MOSMO: variants seen among roughly 807,000 people sequenced by gnomAD.
MOSMO encodes the protein modulator of smoothened protein.
In MOSMO, 5 loss-of-function variants were observed where a neutral mutation model predicts 18.4. The ratio of observed to expected loss-of-function variants is 0.27; its 90% CI spans 0.14 to 0.57. The LOEUF is 0.57. Among genes scored for constraint, MOSMO ranks in the 20% least tolerant of loss-of-function variants. The pLI, the probability that MOSMO is intolerant of heterozygous loss-of-function variation, is 0.92. For missense variants in MOSMO, 138 were observed against 211.8 expected (o/e 0.65, Z 2.16); for synonymous variants, 82 against 82.3 (o/e 1.00, Z 0.02).
At chr16:22,037,656 C>G (rs1043445936) in intron 1 of MOSMO, among the ~76,000 whole-genome samples, 1 of 152,226 alleles carries the variant, frequency 6.6e-6, no homozygotes, top group African/African-American at 2.4e-5. Flanking sequence ...ATCACCTCCT[C>G]CTCAGTTTCA....
In MOSMO at chr16:22,046,548, T is replaced by C. The variant is rs1398093359; in HGVS notation, c.107-28939T>C. ...ATTGTGCCAGAAGCACTGTAACTCA[T>C]GCCTGAACGAAGTTTCCCTAACACA... On this transcript the variant is annotated intron_variant, in intron 1 of 2. Transcript: ENST00000542527. Among the ~76,000 whole-genome samples, 4 of 152,194 alleles carry C rather than the reference T, an allele frequency of 2.6e-5. No individual in the cohort carries two copies. In the East Asian group the frequency reaches 7.7e-4, roughly 29 times the overall value.
intron 1 of MOSMO, among the ~76,000 whole-genome samples, chr16:22,063,537 T>C (rs1480160918): frequency 6.6e-6 from 1 of 152,190 alleles, no homozygotes; most frequent in African/African-American, 2.4e-5. Flanking sequence ...CAAGTTTCCT[T>C]GGAGATAGGA....
At chr16:22,043,485 G>A (rs34194568) in intron 1 of MOSMO, among the ~76,000 whole-genome samples, 11,699 of 152,120 alleles carry the variant, frequency 0.077, 642 homozygotes, top group South Asian at 0.25. Context: ...TATTTTATCA[G>A]TGAATATTTA....
chr16:22,087,353 T>C (rs1238498608), downstream of MOSMO: 1 of 152,192 alleles, frequency 6.6e-6, no homozygotes, highest in African/African-American at 2.4e-5. Flanking sequence ...TACAGCACTT[T>C]AGTAAATATG....
chr16:22,029,404 A>G (rs1899948968), intron 1 of MOSMO, among the ~76,000 whole-genome samples: 1 of 152,134 alleles, frequency 6.6e-6, no homozygotes, highest in Admixed American at 6.5e-5. Context: ...CATGTATGTC[A>G]TTGTAGATCT....
intron 1 of MOSMO, among the ~76,000 whole-genome samples, chr16:22,057,403 G>T (rs1399344514): frequency 6.6e-6 from 1 of 152,186 alleles, no homozygotes; most frequent in Non-Finnish European, 1.5e-5. Flanking sequence ...GCATGAATCT[G>T]CTTATAAGAG....
Position 22,083,606 on chromosome 16 carries a change from A to G in MOSMO, c.*2726A>G, listed in dbSNP as rs1279512379. The G allele has an allele frequency of 2.2e-6, 1 of 447,838 alleles. No homozygotes were observed. The highest frequency in any genetic ancestry group is 4.4e-6 in the Non-Finnish European group (1 of 225,114). The allele number at this position is 447,838 out of a possible 1,614,324, so 27.7% of individuals were successfully genotyped here. ...TTTATAGCAGGAAATCGTATCTTGTAAACTGTATATAAAACACTGTTTTAT... is the reference window on the plus strand; with the variant it reads ...TTTATAGCAGGAAATCGTATCTTGTGAACTGTATATAAAACACTGTTTTAT... On this transcript the variant is annotated 3_prime_UTR_variant, in exon 3 of 3. Transcript: ENST00000542527.
intron 1 of MOSMO, among the ~76,000 whole-genome samples, chr16:22,066,212 A>G (rs935602079): frequency 6.6e-6 from 1 of 151,978 alleles, no homozygotes; most frequent in African/African-American, 2.4e-5. Context: ...GAAAATTTCA[A>G]TTTTTAGGGC....
In MOSMO at chr16:22,060,165, AGACTCTGTC is replaced by A. The variant is rs540079167; in HGVS notation, c.107-15321_107-15313del. On this transcript the variant is annotated intron_variant, in intron 1 of 2. Coordinates refer to ENST00000542527, the MANE Select transcript of MOSMO (RefSeq NM_001164579.2). Reference sequence around the variant, plus strand: ...GCACTCCAGCCTGGGTGACAGAGTGAGACTCTGTCTCAAAAAAAAATTGAAAAATTGGAC... The same window carrying A: ...GCACTCCAGCCTGGGTGACAGAGTGATCAAAAAAAAATTGAAAAATTGGAC... 3.4e-3 allele frequency among the ~76,000 whole-genome samples: 511 copies of A among 152,284 alleles called. 4 individuals carry two copies. The highest frequency in any genetic ancestry group is 7.2e-3 in the South Asian group (35 of 4,830).
chr16:22,038,055 G>A (rs74757577), intron 1 of MOSMO, among the ~76,000 whole-genome samples: 17,305 of 152,208 alleles, frequency 0.11, 1,305 homozygotes, highest in South Asian at 0.28. Flanking sequence ...CCATCCTGAA[G>A]CTACATAGGG....
intron 1 of MOSMO, among the ~76,000 whole-genome samples, chr16:22,010,755 C>T (rs891782681): frequency 6.6e-6 from 1 of 151,980 alleles, no homozygotes; most frequent in Non-Finnish European, 1.5e-5. Flanking sequence ...CCTGTCTCTA[C>T]TAAAAATACA....
At chr16:22,072,050 C>A (rs1248923206) in intron 1 of MOSMO, among the ~76,000 whole-genome samples, 1 of 152,086 alleles carries the variant, frequency 6.6e-6, no homozygotes, top group Non-Finnish European at 1.5e-5. Context: ...CTCTGAAAAG[C>A]TCATGTCCTG....
intron 1 of MOSMO, among the ~76,000 whole-genome samples, chr16:22,061,286 C>T (rs955446330): frequency 6.6e-6 from 1 of 152,136 alleles, no homozygotes; most frequent in Non-Finnish European, 1.5e-5. Flanking sequence ...TAAACTCGAC[C>T]TCAGTAAACC....
At chr16:22,066,192 G>A (rs1405948353) in intron 1 of MOSMO, among the ~76,000 whole-genome samples, 1 of 152,106 alleles carries the variant, frequency 6.6e-6, no homozygotes, top group Non-Finnish European at 1.5e-5. Flanking sequence ...GATCGGTCTG[G>A]CAGCTCACTG....
At chr16:22,051,137 C>T (rs142555890) in intron 1 of MOSMO, among the ~76,000 whole-genome samples, 1,915 of 152,204 alleles carry the variant, frequency 0.013, 10 homozygotes, top group Non-Finnish European at 0.02. Context: ...CCTGCAATCC[C>T]GGCACTTTGG....
chr16:22,012,282 G>A (rs4131451), intron 1 of MOSMO, among the ~76,000 whole-genome samples: 145,632 of 152,250 alleles, frequency 0.96, 70,075 homozygotes, highest in Non-Finnish European at 0.99. Context: ...TCATCACTTC[G>A]TAGCTCTGTA....
intron 1 of MOSMO, among the ~76,000 whole-genome samples, chr16:22,058,960 C>T (rs1031044117): frequency 1.3e-5 from 2 of 152,120 alleles, no homozygotes; most frequent in Admixed American, 1.3e-4. Flanking sequence ...TCTTTGGTGA[C>T]GTTCTGTATA....
intron 1 of MOSMO, among the ~76,000 whole-genome samples, chr16:22,024,293 C>G (rs914096831): frequency 2.6e-5 from 4 of 151,854 alleles, no homozygotes; most frequent in African/African-American, 9.7e-5. Context: ...TTAGGTAGAG[C>G]AGTTGATTTG....
chr16:22,077,973 C>T (rs1901004530), intron 2 of MOSMO, among the ~76,000 whole-genome samples: 1 of 151,986 alleles, frequency 6.6e-6, no homozygotes. Context: ...TCCCGTTAAG[C>T]TATAGTTTTC....
Sources: gnomAD v4.1 joint callset for allele counts (sites outside exome capture counted in the v4.1 genomes callset) on GRCh38, gnomAD v4.1.1 for gene constraint, MANE v1.5 for transcripts, NCBI Gene and HGNC (gene_info 2026-07-23, HGNC 2026-07-21) for gene names.